Variants in EYS observed in about 807,000 individuals in gnomAD.
EYS encodes the protein protein eyes shut homolog.
In EYS, 250 loss-of-function variants were observed where a neutral mutation model predicts 282.1. That is an observed-to-expected ratio of 0.89 (90% CI 0.80 to 0.98). The LOEUF is 0.98. EYS is among the 50% of genes least tolerant of loss of function. EYS has a pLI of 0.00. For missense variants in EYS, 4,016 were observed against 3,709.0 expected (o/e 1.08, Z -2.15); for synonymous variants, 1,355 against 1,282.9 (o/e 1.06, Z -1.20).
At chr6:64,618,481 A>G (rs1252156101) in intron 23 of EYS, among the ~76,000 whole-genome samples, 1 of 152,122 alleles carries the variant, frequency 6.6e-6, no homozygotes, top group Non-Finnish European at 1.5e-5. Context: ...TTTTCTATGT[A>G]TTGTCCAATA....
At chr6:64,453,820 A>G (rs1037606516) in intron 26 of EYS, among the ~76,000 whole-genome samples, 5 of 152,080 alleles carry the variant, frequency 3.3e-5, no homozygotes, top group South Asian at 2.1e-4. Flanking sequence ...GAACACATGG[A>G]CACAGGAAGG....
At chr6:64,014,309 CAA>C (rs1768784222) in intron 33 of EYS, among the ~76,000 whole-genome samples, 1 of 151,228 alleles carries the variant, frequency 6.6e-6, no homozygotes, top group Non-Finnish European at 1.5e-5. Context: ...TTTTTTTTTA[CAA>C]AGATATGTTA....
chr6:65,101,404 G>T (rs1177036991), intron 12 of EYS, among the ~76,000 whole-genome samples: 1 of 151,076 alleles, frequency 6.6e-6, no homozygotes. Flanking sequence ...AAATAAAGTG[G>T]TCCTTCTTCA....
intron 14 of EYS, among the ~76,000 whole-genome samples, chr6:64,951,351 C>T (rs1769502281): frequency 6.6e-6 from 1 of 151,864 alleles, no homozygotes; most frequent in Non-Finnish European, 1.5e-5. Context: ...GGCATGAAAA[C>T]CATACTTGCC....
chr6:64,556,542 A>G (rs980927761), intron 26 of EYS, among the ~76,000 whole-genome samples: 1 of 152,038 alleles, frequency 6.6e-6, no homozygotes, highest in African/African-American at 2.4e-5. Flanking sequence ...CATATTCTAT[A>G]TTTTGATTAT....
chr6:65,435,255 T>C (rs1364650805), intron 5 of EYS, among the ~76,000 whole-genome samples: 2 of 152,020 alleles, frequency 1.3e-5, no homozygotes, highest in East Asian at 3.9e-4. Context: ...AGTATCAATG[T>C]AATATTAATT....
chr6:64,334,203 T>A (rs901361743), intron 29 of EYS, among the ~76,000 whole-genome samples: 3 of 152,172 alleles, frequency 2.0e-5, no homozygotes, highest in Non-Finnish European at 1.5e-5. Context: ...ACCAATTAGA[T>A]GCTCCAACTG....
intron 15 of EYS, among the ~76,000 whole-genome samples, chr6:64,915,063 T>C (rs1768117911): frequency 6.6e-6 from 1 of 152,154 alleles, no homozygotes; most frequent in African/African-American, 2.4e-5. Context: ...GTTGTTCTGA[T>C]ATAATTTTCA....
At chr6:65,018,367 T>G (rs1157254640) in intron 13 of EYS, among the ~76,000 whole-genome samples, 2 of 152,184 alleles carry the variant, frequency 1.3e-5, no homozygotes, top group Non-Finnish European at 2.9e-5. Context: ...CATCCCGTAG[T>G]TGTAGATGCA....
chr6:65,694,293 G>T (rs1297997463), intron 1 of EYS, among the ~76,000 whole-genome samples: 1 of 149,076 alleles, frequency 6.7e-6, no homozygotes, highest in African/African-American at 2.4e-5. Context: ...ATATATATAT[G>T]TATAATAAAA....
intron 22 of EYS, among the ~76,000 whole-genome samples, chr6:64,726,104 T>A (rs1303664582): frequency 6.6e-6 from 1 of 151,634 alleles, no homozygotes; most frequent in Non-Finnish European, 1.5e-5. Context: ...TCCTTCTTTA[T>A]AAGTTGTCTT....
At chr6:64,451,334 C>A (rs1266753279) in intron 26 of EYS, among the ~76,000 whole-genome samples, 1 of 152,094 alleles carries the variant, frequency 6.6e-6, no homozygotes, top group Non-Finnish European at 1.5e-5. Context: ...CTGAATAGAC[C>A]AATAACAGGC....
chr6:65,411,864 G>A (rs1476087111), intron 5 of EYS, among the ~76,000 whole-genome samples: 1 of 148,108 alleles, frequency 6.8e-6, no homozygotes, highest in African/African-American at 2.5e-5. Context: ...TGGTATGAAT[G>A]TACCACAGTT....
chr6:64,184,981 G>A (rs1764890766), intron 31 of EYS, among the ~76,000 whole-genome samples: 1 of 151,852 alleles, frequency 6.6e-6, no homozygotes, highest in Non-Finnish European at 1.5e-5. Flanking sequence ...GAGGTGATTA[G>A]ATTATGAGGG....
At chr6:64,578,263 G>T (rs1325236572) in intron 26 of EYS, among the ~76,000 whole-genome samples, 1 of 151,962 alleles carries the variant, frequency 6.6e-6, no homozygotes, top group Non-Finnish European at 1.5e-5. Flanking sequence ...AAAATTATCA[G>T]AATCTCCTCT....
At chr6:65,673,058 C>A (rs1228762308) in intron 1 of EYS, among the ~76,000 whole-genome samples, 4 of 152,136 alleles carry the variant, frequency 2.6e-5, no homozygotes, top group Non-Finnish European at 5.9e-5. Context: ...ACTTTCACTT[C>A]TTTTGTGATT....
chr6:65,586,398 A>C (rs1192735949), intron 2 of EYS, among the ~76,000 whole-genome samples: 1 of 152,086 alleles, frequency 6.6e-6, no homozygotes, highest in African/African-American at 2.4e-5. Flanking sequence ...TTATAACCAA[A>C]AGGGGCAACT....
At chr6:63,782,931 T>C (rs1770271359) in intron 39 of EYS, among the ~76,000 whole-genome samples, 1 of 151,910 alleles carries the variant, frequency 6.6e-6, no homozygotes, top group African/African-American at 2.4e-5. Flanking sequence ...GTAATAGCTT[T>C]TTTTTTTAAA....
chr6:65,056,046 A>T (rs1048930878), intron 13 of EYS, among the ~76,000 whole-genome samples: 3 of 152,058 alleles, frequency 2.0e-5, no homozygotes, highest in Non-Finnish European at 4.4e-5. Flanking sequence ...GTACAAAAAG[A>T]TGCATCTATT....
Sources: allele counts gnomAD v4.1 joint callset (sites outside exome capture counted in the v4.1 genomes callset), GRCh38; gene constraint gnomAD v4.1.1; transcripts MANE v1.5; gene names NCBI Gene and HGNC (gene_info 2026-07-23, HGNC 2026-07-21).